ERO1B: variants seen among roughly 807,000 people sequenced by gnomAD.
The protein encoded by ERO1B is ERO1-like protein beta.
In ERO1B, 49 loss-of-function variants were observed where a neutral mutation model predicts 75.3. That is an observed-to-expected ratio of 0.65 (90% CI 0.52 to 0.83). The LOEUF (loss-of-function observed/expected upper bound fraction) is 0.83, where lower values mean the gene tolerates loss of function less well. Among genes scored for constraint, ERO1B ranks in the 40% least tolerant of loss-of-function variants. The probability of loss-of-function intolerance (pLI) is 0.00; values close to 1 mark genes in which losing one functional copy is unlikely to be tolerated. For missense variants in ERO1B, 512 were observed against 560.1 expected, an observed-to-expected ratio of 0.91 and a Z score of 0.87; for synonymous variants, 191 against 192.9, an observed-to-expected ratio of 0.99 and a Z score of 0.08.
rs376141755 is a variant in ERO1B, at chr1:236,281,353, G to A, written c.102+329C>T. On this transcript the variant is annotated intron_variant, in intron 1 of 15. Transcript: ENST00000354619. The stretch of plus-strand genomic sequence containing the variant: ...CTCCCTTCGCAAGACAGCCGAGGTG[G>A]TTCATGCCCGTCCCATCTCCCGCCA... 5 of 208,000 alleles carry A rather than the reference G, an allele frequency of 2.4e-5. No individual in the cohort carries two copies. In the South Asian group the frequency reaches 5.4e-4, roughly 22 times the overall value. The allele number at this position is 208,000 out of a possible 1,614,324, so 12.9% of individuals were successfully genotyped here. A position where few individuals can be genotyped will look rare whatever the true frequency, so the allele number is the denominator to read the frequency against.
At position 236,226,431 on chromosome 1, in the gene ERO1B, G is replaced by C; in HGVS notation, c.890C>G (p.Pro297Arg). 1.9e-6 allele frequency: 3 copies of C among 1,614,096 alleles called. No homozygotes were observed. The highest frequency in any genetic ancestry group is 2.5e-6 in the Non-Finnish European group (3 of 1,180,008). Residue 297 changes from proline (P) to arginine (R), a missense_variant, in exon 12 of 16, where the codon CCA (proline) becomes CGA (arginine). Physicochemically the swap from Pro to Arg is moderately radical, Grantham distance 103. Transcript: ENST00000354619. ...FDPVETKGEG[P>R]RRLKNLYFLY... ...AAAGTAAAGATTCTTGAGCCTTCTT[G>C]GACCTTCTCCCTTGGTTTCCACAGG...
Position 236,275,642 on chromosome 1 carries a change from A to G in ERO1B, c.103-5648T>C, listed in dbSNP as rs140411157. Among the ~76,000 whole-genome samples the G allele has an allele frequency of 3.7e-4, 57 of 152,214 alleles. 1 individual carries two copies. Among genetic ancestry groups the G allele is most frequent in the African/African-American group, 1.3e-3 (54 of 41,506 alleles). ...GTGGGGCCAAAAGTTTCAACTTTCTAATCACTTGGGTCTTTGTGGTGACCA... is the reference window on the plus strand; with the variant it reads ...GTGGGGCCAAAAGTTTCAACTTTCTGATCACTTGGGTCTTTGTGGTGACCA... On this transcript the variant is annotated intron_variant, in intron 1 of 15. Coordinates refer to ENST00000354619, the MANE Select transcript of ERO1B (RefSeq NM_019891.4).
At chr1:236,240,128 C>T (rs1664663229) in intron 6 of ERO1B, among the ~76,000 whole-genome samples, 1 of 151,900 alleles carries the variant, frequency 6.6e-6, no homozygotes. Context: ...CAGTCTCAAA[C>T]TCCTAACTTC....
At chr1:236,237,246 A>G (rs1472555728) in intron 6 of ERO1B, among the ~76,000 whole-genome samples, 1 of 151,248 alleles carries the variant, frequency 6.6e-6, no homozygotes. Context: ...CAGCCTCCCA[A>G]GTAGCTGGTA....
chr1:236,236,415 T>C lies in ERO1B; in HGVS notation c.506-17A>G. The C allele has an allele frequency of 6.2e-7, 1 of 1,612,446 alleles. No individual in the cohort carries two copies. The highest frequency in any genetic ancestry group is 8.5e-7 in the Non-Finnish European group (1 of 1,179,522). ...ATCTCTCATCTGAACAAGAAAAAAT[T>C]CATAAAAACCATCCATATTTCACCA... On this transcript the variant is annotated splice_polypyrimidine_tract_variant and intron_variant, in intron 6 of 15. Coordinates refer to ENST00000354619, the MANE Select transcript of ERO1B (RefSeq NM_019891.4).
intron 4 of ERO1B, 86 bp from the exon 5 acceptor site, chr1:236,250,053 A>C: frequency 1.3e-6 from 1 of 795,872 alleles, no homozygotes; most frequent in Non-Finnish European, 2.0e-6. Context: ...ATCTGTCAAC[A>C]ATGATATACA....
At chr1:236,266,534 G>A (rs1041804345) in intron 2 of ERO1B, among the ~76,000 whole-genome samples, 1 of 151,904 alleles carries the variant, frequency 6.6e-6, no homozygotes, top group African/African-American at 2.4e-5. Context: ...AACCTGGGAG[G>A]CTGAGGTTGC....
intron 8 of ERO1B, among the ~76,000 whole-genome samples, chr1:236,234,756 C>A (rs1455497969): frequency 6.6e-6 from 1 of 152,138 alleles, no homozygotes; most frequent in East Asian, 1.9e-4. Context: ...ATCAGGAAAT[C>A]AAATTTCTTA....
Position 236,244,034 on chromosome 1 carries a change from A to G in ERO1B, c.432-539T>C, listed in dbSNP as rs1664776313. ...TTTCACAGCCTAGTTAACATTTAAC[A>G]AAATCTATGATCAAGATTTCTAACT... On this transcript the variant is annotated intron_variant, in intron 5 of 15. Transcript: ENST00000354619. Among the ~76,000 whole-genome samples, 4 of 152,178 alleles carry G rather than the reference A, an allele frequency of 2.6e-5. No homozygotes were observed. In the South Asian group the frequency reaches 8.3e-4, roughly 31 times the overall value.
intron 2 of ERO1B, among the ~76,000 whole-genome samples, chr1:236,262,488 T>A (rs1665314556): frequency 6.6e-6 from 1 of 152,148 alleles, no homozygotes; most frequent in Non-Finnish European, 1.5e-5. Context: ...CCACAACCTC[T>A]GCCTCCCAGG....
intron 10 of ERO1B, among the ~76,000 whole-genome samples, chr1:236,229,824 T>C (rs12401454): frequency 0.068 from 10,395 of 152,250 alleles, 741 homozygotes; most frequent in East Asian, 0.39. Flanking sequence ...ATGTTTCGAA[T>C]CTTTTGAATT....
intron 2 of ERO1B, 97 bp from the exon 3 acceptor site, chr1:236,253,602 A>G: frequency 2.6e-6 from 2 of 763,334 alleles, no homozygotes; most frequent in Non-Finnish European, 4.5e-6. Flanking sequence ...GTGGTGAATA[A>G]GAAGGAATAC....
At chr1:236,258,873 A>G (rs951262276) in intron 2 of ERO1B, among the ~76,000 whole-genome samples, 2 of 152,232 alleles carry the variant, frequency 1.3e-5, no homozygotes. Context: ...TGGGTGATAG[A>G]GTAAGACTCC....
At chr1:236,253,607 G>T in intron 2 of ERO1B, 102 bp from the exon 3 acceptor site, 1 of 738,766 alleles carries the variant, frequency 1.4e-6, no homozygotes, top group Non-Finnish European at 2.4e-6. Context: ...GAATAAGAAG[G>T]AATACTTCCT....
intron 11 of ERO1B, 37 bp downstream of exon 11, chr1:236,226,610 A>AAT (rs763983564): frequency 6.3e-7 from 1 of 1,599,618 alleles, no homozygotes; most frequent in African/African-American, 1.3e-5. Context: ...TTTTTACACT[A>AAT]ATAGAAGGCA....
chr1:236,230,295 A>G (rs1349451354), intron 9 of ERO1B, 45 bp from the exon 10 acceptor site: 1 of 1,453,272 alleles, frequency 6.9e-7, no homozygotes, highest in Admixed American at 1.8e-5. Context: ...ATGGTCATTT[A>G]TAAAGTAGAA....
chr1:236,257,603 C>A (rs1025790940), intron 2 of ERO1B, among the ~76,000 whole-genome samples: 22 of 147,928 alleles, frequency 1.5e-4, no homozygotes, highest in African/African-American at 5.2e-4. Context: ...GAAGCCAACC[C>A]TACTGAAAGG....
At chr1:236,253,590 T>C (rs1665091659) in intron 2 of ERO1B, 85 bp from the exon 3 acceptor site, 2 of 827,828 alleles carry the variant, frequency 2.4e-6, no homozygotes, top group Admixed American at 4.4e-5. Context: ...ACCAGTGACA[T>C]GGTGGTGAAT....
intron 12 of ERO1B, 136 bp from the exon 13 acceptor site, chr1:236,225,275 GA>G: frequency 1.3e-6 from 1 of 796,532 alleles, no homozygotes; most frequent in East Asian, 2.7e-5. Flanking sequence ...TGGTAATGTA[GA>G]AAAGTGACAA....
Sources: allele counts gnomAD v4.1 joint callset (sites outside exome capture counted in the v4.1 genomes callset), GRCh38; gene constraint gnomAD v4.1.1; transcripts MANE v1.5; gene names NCBI Gene and HGNC (gene_info 2026-07-23, HGNC 2026-07-21).